Variants in UBE2E2 observed in about 807,000 individuals in gnomAD.
UBE2E2 encodes the protein ubiquitin conjugating enzyme E2 E2.
Under a neutral mutation model 24.7 loss-of-function variants are expected in UBE2E2, and 6 were observed. The ratio of observed to expected loss-of-function variants is 0.24; its 90% confidence interval spans 0.13 to 0.48. The LOEUF is 0.48. Among genes scored for constraint, UBE2E2 ranks in the 20% least tolerant of loss-of-function variants. The pLI, the probability that UBE2E2 is intolerant of heterozygous loss-of-function variation, is 0.99. For missense variants in UBE2E2, 169 were observed against 245.0 expected, an observed-to-expected ratio of 0.69 and a Z score of 2.07; for synonymous variants, 104 against 83.6, an observed-to-expected ratio of 1.24 and a Z score of -1.33.
chr3:23,266,258 T>G (rs1416252542), intron 3 of UBE2E2, among the ~76,000 whole-genome samples: 1 of 152,226 alleles, frequency 6.6e-6, no homozygotes, highest in African/African-American at 2.4e-5. Context: ...TCTTTACAAT[T>G]TGGCATGATT....
Position 23,203,410 on chromosome 3 carries a change from T to G in UBE2E2, c.-63T>G. The G allele has an allele frequency of 1.0e-6, 1 of 982,532 alleles. No individual in the cohort carries two copies. Among genetic ancestry groups the G allele is most frequent in the African/African-American group, 1.8e-5 (1 of 56,028 alleles). 60.9% of individuals were successfully genotyped at this position (982,532 alleles called of 1,614,324 possible). On this transcript the variant is annotated 5_prime_UTR_variant, in exon 1 of 6. Coordinates refer to ENST00000396703, the MANE Select transcript of UBE2E2 (RefSeq NM_152653.4). ...TCCCTCCCCCTCGCGCCTGGGCAGC[T>G]CTCTCCCAGGGCTTCGGCTCGAGCC...
chr3:23,259,090 A>C (rs1487780425), intron 3 of UBE2E2, among the ~76,000 whole-genome samples: 1 of 152,098 alleles, frequency 6.6e-6, no homozygotes, highest in African/African-American at 2.4e-5. Context: ...ATTGTAGTGG[A>C]AAAGACGTCA....
chr3:23,393,575 G>A (rs1697004374), intron 3 of UBE2E2, among the ~76,000 whole-genome samples: 1 of 152,190 alleles, frequency 6.6e-6, no homozygotes, highest in African/African-American at 2.4e-5. Context: ...AGTAAAGTTT[G>A]AGAACCACTG....
intron 3 of UBE2E2, among the ~76,000 whole-genome samples, chr3:23,349,852 G>A (rs1695681959): frequency 1.3e-5 from 2 of 152,188 alleles, no homozygotes; most frequent in African/African-American, 4.8e-5. Flanking sequence ...AGACTTAAAT[G>A]TCCCTGTCTG....
intron 3 of UBE2E2, among the ~76,000 whole-genome samples, chr3:23,230,650 G>A (rs1313163307): frequency 6.6e-6 from 1 of 152,096 alleles, no homozygotes; most frequent in Non-Finnish European, 1.5e-5. Flanking sequence ...GCCCGGCTTG[G>A]TGGTGGGTAC....
At position 23,515,679 on chromosome 3, in the gene UBE2E2, A is replaced by G. The variant is rs546119758; in HGVS notation, c.360+15939A>G. ...AAGTGGTATAAAAATTTGAAGGGCA[A>G]GGTGCAGTGGCTAACGCCTATAATC... is the stretch of plus-strand genomic sequence containing the variant. On this transcript the variant is annotated intron_variant, in intron 4 of 5. Transcript: ENST00000396703. Among the ~76,000 whole-genome samples the G allele has an allele frequency of 1.3e-3, 196 of 152,098 alleles. 4 individuals are homozygous for G. The highest frequency in any genetic ancestry group is 3.2e-4 in the Non-Finnish European group (22 of 67,990).
intron 3 of UBE2E2, among the ~76,000 whole-genome samples, chr3:23,483,989 G>T (rs1189196331): frequency 6.6e-6 from 1 of 152,190 alleles, no homozygotes; most frequent in Non-Finnish European, 1.5e-5. Context: ...GACCCCAAAA[G>T]ACCTCAGTGG....
At chr3:23,269,372 CT>C in intron 3 of UBE2E2, among the ~76,000 whole-genome samples, 1 of 152,220 alleles carries the variant, frequency 6.6e-6, no homozygotes, top group South Asian at 2.1e-4. Flanking sequence ...AACAAACCCG[CT>C]TGGAGTTGGC....
intron 3 of UBE2E2, among the ~76,000 whole-genome samples, chr3:23,349,653 A>G (rs920241766): frequency 2.6e-5 from 4 of 152,240 alleles, no homozygotes; most frequent in Admixed American, 1.3e-4. Flanking sequence ...TCTGAGATCA[A>G]ACTGCGAGGC....
At chr3:23,443,692 C>G (rs1698356431) in intron 3 of UBE2E2, among the ~76,000 whole-genome samples, 1 of 152,154 alleles carries the variant, frequency 6.6e-6, no homozygotes, top group Non-Finnish European at 1.5e-5. Context: ...GAAATTGGTG[C>G]TGGTTAGACA....
intron 3 of UBE2E2, among the ~76,000 whole-genome samples, chr3:23,359,315 A>G (rs1696049947): frequency 6.6e-6 from 1 of 152,164 alleles, no homozygotes; most frequent in Non-Finnish European, 1.5e-5. Context: ...GGTTTTTAGA[A>G]TGTAGATCAA....
intron 3 of UBE2E2, among the ~76,000 whole-genome samples, chr3:23,225,312 A>ATTT (rs1696789480): frequency 6.6e-6 from 1 of 151,718 alleles, no homozygotes; most frequent in Non-Finnish European, 1.5e-5. Context: ...TGAAGTCTAA[A>ATTT]TATCTGTTTT....
intron 3 of UBE2E2, among the ~76,000 whole-genome samples, chr3:23,249,492 T>C (rs1332267737): frequency 6.6e-6 from 1 of 152,176 alleles, no homozygotes; most frequent in Non-Finnish European, 1.5e-5. Flanking sequence ...CTAAAAATTT[T>C]GGTCACTGGA....
chr3:23,570,648 T>C (rs564821051), intron 5 of UBE2E2, among the ~76,000 whole-genome samples: 1 of 152,336 alleles, frequency 6.6e-6, no homozygotes, highest in Non-Finnish European at 1.5e-5. Context: ...CCAAACTCTT[T>C]CCTGTGTATT....
intron 3 of UBE2E2, among the ~76,000 whole-genome samples, chr3:23,384,125 G>A (rs1444926869): frequency 1.3e-5 from 2 of 151,944 alleles, no homozygotes; most frequent in African/African-American, 4.8e-5. Context: ...CCACCAAAGT[G>A]GTTAGAACTA....
intron 3 of UBE2E2, among the ~76,000 whole-genome samples, chr3:23,389,268 G>A (rs954538230): frequency 2.6e-5 from 4 of 152,202 alleles, no homozygotes; most frequent in Non-Finnish European, 4.4e-5. Context: ...CTGGCTTCCT[G>A]TATTTGCTCA....
At chr3:23,488,836 G>T (rs1699436164) in intron 3 of UBE2E2, among the ~76,000 whole-genome samples, 1 of 152,162 alleles carries the variant, frequency 6.6e-6, no homozygotes, top group Non-Finnish European at 1.5e-5. Context: ...ACATTTGCTA[G>T]CTCATAGGCC....
intron 3 of UBE2E2, among the ~76,000 whole-genome samples, chr3:23,346,014 T>C (rs1001864054): frequency 6.6e-6 from 1 of 152,172 alleles, no homozygotes; most frequent in Non-Finnish European, 1.5e-5. Context: ...GGTGCTATGA[T>C]ATAATCAGTT....
chr3:23,470,485 A>G (rs1163193535), intron 3 of UBE2E2, among the ~76,000 whole-genome samples: 1 of 152,174 alleles, frequency 6.6e-6, no homozygotes, highest in East Asian at 1.9e-4. Context: ...TCAAGTTGTT[A>G]TTTTGAACAT....
Sources: allele counts gnomAD v4.1 joint callset (sites outside exome capture counted in the v4.1 genomes callset), GRCh38; gene constraint gnomAD v4.1.1; transcripts MANE v1.5; gene names NCBI Gene and HGNC (gene_info 2026-07-23, HGNC 2026-07-21).